FAM228B: variants seen among roughly 807,000 people sequenced by gnomAD.
FAM228B encodes the protein family with sequence similarity 228 member B.
A neutral mutation model predicts 42.6 loss-of-function variants in FAM228B; 38 were observed. That is an observed-to-expected ratio of 0.89 (90% CI 0.69 to 1.17). The LOEUF (loss-of-function observed/expected upper bound fraction) is 1.17. FAM228B is among the 50% of genes most tolerant of loss of function. FAM228B has a pLI of 0.00. For synonymous variants in FAM228B, 109 were observed against 122.3 expected (o/e 0.89, Z 0.72); for missense variants, 344 against 367.3 (o/e 0.94, Z 0.52).
intron 3 of FAM228B, 50 bp from the exon 4 acceptor site, chr2:24,137,859 C>A: frequency 7.4e-7 from 1 of 1,358,376 alleles, no homozygotes; most frequent in Non-Finnish European, 9.8e-7. Context: ...AATTTTAGAA[C>A]AAGAAAGCTT....
chr2:24,144,120 T>C (rs2151022334), intron 5 of FAM228B, among the ~76,000 whole-genome samples: 1 of 152,266 alleles, frequency 6.6e-6, no homozygotes, highest in Admixed American at 6.5e-5. Flanking sequence ...AACTTTAGAT[T>C]GTTGTTTGTT....
intron 7 of FAM228B, among the ~76,000 whole-genome samples, chr2:24,150,151 ATAT>A (rs1429438641): frequency 6.6e-6 from 1 of 152,088 alleles, no homozygotes; most frequent in Non-Finnish European, 1.5e-5. Flanking sequence ...TTGCAGTGTT[ATAT>A]TATTCTGTGC....
intron 3 of FAM228B, among the ~76,000 whole-genome samples, chr2:24,104,624 T>C (rs1665669958): frequency 6.6e-6 from 1 of 152,106 alleles, no homozygotes; most frequent in African/African-American, 2.4e-5. Flanking sequence ...AGCTTTCTGT[T>C]GTCCTGGGAA....
intron 2 of FAM228B, among the ~76,000 whole-genome samples, chr2:24,128,344 C>T (rs1413379044): frequency 6.6e-6 from 1 of 152,198 alleles, no homozygotes; most frequent in African/African-American, 2.4e-5. Context: ...CTACCTTGGC[C>T]TCCCAAAGCA....
chr2:24,122,780 A>T (rs1308234502), upstream of FAM228B: 41 of 358,824 alleles, frequency 1.1e-4, 2 homozygotes, highest in East Asian at 1.8e-3. Flanking sequence ...CTGAGTTTGG[A>T]AAATCACAGC....
intron 7 of FAM228B, among the ~76,000 whole-genome samples, chr2:24,158,196 C>CTCCTTTTTTTTTTTTTTT (rs1667199686): frequency 1.9e-5 from 1 of 53,200 alleles, no homozygotes; most frequent in Non-Finnish European, 3.0e-5. Context: ...TCTGAACCTC[C>CTCCTTTTTTTTTTTTTTT]TTTTTTTTTT....
chr2:24,108,239 G>C (rs113166388), intron 3 of FAM228B, among the ~76,000 whole-genome samples: 1 of 152,098 alleles, frequency 6.6e-6, no homozygotes, highest in Non-Finnish European at 1.5e-5. Flanking sequence ...CTGAATCCCT[G>C]AACAGACCAA....
chr2:24,153,815 C>T (rs1167114133), intron 7 of FAM228B, among the ~76,000 whole-genome samples: 3 of 152,204 alleles, frequency 2.0e-5, no homozygotes, highest in East Asian at 1.9e-4. Context: ...TTCAAATTTA[C>T]CTAGGAGCCC....
intron 8 of FAM228B, 75 bp from the exon 9 acceptor site, chr2:24,164,123 T>G: frequency 7.5e-7 from 1 of 1,327,538 alleles, no homozygotes; most frequent in South Asian, 1.7e-5. Flanking sequence ...AACTTCAAAT[T>G]TAAATAAAAA....
chr2:24,139,117 T>A (rs1301523204), intron 4 of FAM228B, among the ~76,000 whole-genome samples: 1 of 152,214 alleles, frequency 6.6e-6, no homozygotes, highest in African/African-American at 2.4e-5. Flanking sequence ...AAAAACAAAT[T>A]CCCAAATCTT....
chr2:24,130,595 A>G (rs754903471), intron 2 of FAM228B, among the ~76,000 whole-genome samples: 7 of 152,098 alleles, frequency 4.6e-5, no homozygotes, highest in Non-Finnish European at 8.8e-5. Context: ...TTTGTTGGCC[A>G]TGTAAATGTC....
At chr2:24,115,694 C>G (rs372113895) in intron 3 of FAM228B, 15 of 1,463,692 alleles carry the variant, frequency 1.0e-5, no homozygotes, top group Non-Finnish European at 1.4e-5. Flanking sequence ...TATTATTCCA[C>G]AAACATTGCC....
chr2:24,078,888 T>G (rs538158471), intron 1 of FAM228B: 4 of 152,796 alleles, frequency 2.6e-5, no homozygotes, highest in African/African-American at 9.6e-5. Flanking sequence ...ATCTTTTTTT[T>G]TTTGAGATGA....
At chr2:24,078,585 G>A (rs926236143) in intron 1 of FAM228B, among the ~76,000 whole-genome samples, 6 of 152,178 alleles carry the variant, frequency 3.9e-5, no homozygotes, top group Admixed American at 1.3e-4. Context: ...GAGCTAAAGG[G>A]GGGTTACAGG....
At chr2:24,123,836 T>C (rs1307142120) in intron 1 of FAM228B, among the ~76,000 whole-genome samples, 1 of 151,790 alleles carries the variant, frequency 6.6e-6, no homozygotes, top group African/African-American at 2.4e-5. Flanking sequence ...CGAGAGCGGG[T>C]GCGGACGCCT....
chr2:24,123,749 C>T (rs1317017528), intron 1 of FAM228B, among the ~76,000 whole-genome samples: 2 of 151,760 alleles, frequency 1.3e-5, no homozygotes, highest in South Asian at 2.1e-4. Context: ...GGGAGGCCCC[C>T]GGCCCGGGGC....
rs34189159 is a variant in FAM228B at position 24,092,218 on chromosome 2, CAAAA to C, written c.-209-2901_-209-2898del. ...TGGGTGACAGAGTAAGACTCTGTCT[CAAAA>C]AAAAAAAAAAAAAAAAAAAAAGGAA... On this transcript the variant is annotated intron_variant, in intron 2 of 10. Transcript: ENST00000613899. 1.3e-3 allele frequency among the ~76,000 whole-genome samples: 38 copies of C among 29,990 alleles called. No homozygotes were observed. In the South Asian group the frequency reaches 0.022, roughly 17 times the overall value. 19.7% of individuals were successfully genotyped at this position (29,990 alleles called of 152,430 possible).
intron 2 of FAM228B, among the ~76,000 whole-genome samples, chr2:24,085,426 G>T (rs1337061508): frequency 2.0e-5 from 3 of 152,126 alleles, no homozygotes; most frequent in Admixed American, 6.6e-5. Context: ...AGATCGTCCT[G>T]TGCATCGTAG....
At chr2:24,113,754 G>A (rs957606102) in intron 3 of FAM228B, among the ~76,000 whole-genome samples, 1 of 152,112 alleles carries the variant, frequency 6.6e-6, no homozygotes, top group African/African-American at 2.4e-5. Context: ...GTGGGTGCCT[G>A]TAATCCCAGC....
Sources: allele counts gnomAD v4.1 joint callset (sites outside exome capture counted in the v4.1 genomes callset), GRCh38; gene constraint gnomAD v4.1.1; transcripts MANE v1.5; gene names NCBI Gene and HGNC (gene_info 2026-07-23, HGNC 2026-07-21).